Variants in ZDHHC20 observed in about 807,000 individuals in gnomAD.
ZDHHC20 encodes zDHHC palmitoyltransferase 20, also known as palmitoyltransferase ZDHHC20.
Under a neutral mutation model 57.8 loss-of-function variants are expected in ZDHHC20, and 43 were observed. That is an observed-to-expected ratio of 0.74 (90% CI 0.58 to 0.96). ZDHHC20 has a LOEUF of 0.96. Ranked by LOEUF, ZDHHC20 falls within the 40% of genes least tolerant of loss-of-function variation. The probability of loss-of-function intolerance (pLI) is 0.00; values close to 1 mark genes in which losing one functional copy is unlikely to be tolerated. For missense variants in ZDHHC20, 391 were observed against 441.1 expected, an observed-to-expected ratio of 0.89 and a Z score of 1.02; for synonymous variants, 157 against 153.0, an observed-to-expected ratio of 1.03 and a Z score of -0.19.
Position 21,415,792 on chromosome 13 carries a change from C to T in ZDHHC20, c.250-2020G>A, listed in dbSNP as rs74039321. Among the ~76,000 whole-genome samples the T allele has an allele frequency of 4.0e-3, 607 of 152,216 alleles. 3 individuals are homozygous for T. Among genetic ancestry groups the T allele is most frequent in the African/African-American group, 0.013 (538 of 41,526 alleles). On this transcript the variant is annotated intron_variant, in intron 3 of 12. Coordinates refer to ENST00000400590, the MANE Select transcript of ZDHHC20 (RefSeq NM_001330059.2). The stretch of plus-strand genomic sequence containing the variant: ...TAGAAGATGTTCTGATCAAATTTTA[C>T]AGATTCCTTATAAAACTTCAACAGA...
chr13:21,420,544 GAC>G (rs377505984), intron 3 of ZDHHC20, among the ~76,000 whole-genome samples: 222 of 152,314 alleles, frequency 1.5e-3, no homozygotes, highest in Middle Eastern at 3.4e-3. Context: ...AGGTAAGAGA[GAC>G]ACTGGTCATA....
intron 7 of ZDHHC20, among the ~76,000 whole-genome samples, chr13:21,397,372 C>T (rs760096209): frequency 2.7e-4 from 41 of 151,020 alleles, no homozygotes; most frequent in Non-Finnish European, 5.3e-4. Context: ...TCAAGAATAA[C>T]GATTAGTGGC....
At chr13:21,448,979 C>T (rs373177058) in intron 1 of ZDHHC20, among the ~76,000 whole-genome samples, 2 of 112,908 alleles carry the variant, frequency 1.8e-5, no homozygotes, top group Admixed American at 8.9e-5. Flanking sequence ...GGATTAAGGG[C>T]GGTGCAAGAT....
chr13:21,422,395 T>A (rs1408366930), intron 2 of ZDHHC20, among the ~76,000 whole-genome samples: 1 of 152,148 alleles, frequency 6.6e-6, no homozygotes, highest in East Asian at 1.9e-4. Flanking sequence ...GGTTTAAAAA[T>A]TGCTTGTACT....
chr13:21,382,787 T>G (rs1002481825), intron 10 of ZDHHC20, 133 bp downstream of exon 10: 1 of 706,502 alleles, frequency 1.4e-6, no homozygotes, highest in African/African-American at 1.8e-5. Context: ...GTTAAAAAAA[T>G]TTAAATTTCT....
In ZDHHC20 at chr13:21,432,962, A is replaced by G. The variant is rs1882144638; in HGVS notation, c.119-7284T>C. ...GTGTAAGGGTTTATTTCTGAACTCT[A>G]TTTTGTTCCACTGGTCTATATGTCC... On this transcript the variant is annotated intron_variant, in intron 1 of 12. Transcript: ENST00000400590. Among the ~76,000 whole-genome samples the G allele has an allele frequency of 3.3e-5, 5 of 152,232 alleles. No homozygotes were observed. In the South Asian group the frequency reaches 1.0e-3, roughly 32 times the overall value.
At chr13:21,420,896 T>G (rs1266346780) in intron 3 of ZDHHC20, among the ~76,000 whole-genome samples, 165 bp downstream of exon 3, 1 of 152,192 alleles carries the variant, frequency 6.6e-6, no homozygotes, top group East Asian at 1.9e-4. Flanking sequence ...GGACTGTATC[T>G]GAGAATAGGC....
intron 1 of ZDHHC20, among the ~76,000 whole-genome samples, chr13:21,434,946 T>G (rs1329553453): frequency 3.3e-5 from 5 of 152,246 alleles, no homozygotes; most frequent in Admixed American, 3.3e-4. Context: ...TTATCTTCAG[T>G]GTAGATTCCT....
intron 2 of ZDHHC20, among the ~76,000 whole-genome samples, chr13:21,422,508 C>G (rs550054124): frequency 6.6e-6 from 1 of 152,272 alleles, no homozygotes; most frequent in Non-Finnish European, 1.5e-5. Flanking sequence ...ACAGAAACTC[C>G]AGTCACGCAG....
At chr13:21,388,150 T>C (rs1874919528) in intron 8 of ZDHHC20, among the ~76,000 whole-genome samples, 1 of 152,184 alleles carries the variant, frequency 6.6e-6, no homozygotes, top group South Asian at 2.1e-4. Flanking sequence ...GAGACATATG[T>C]GTGCCTCGGG....
chr13:21,413,746 T>C lies in ZDHHC20; in HGVS notation c.276A>G (p.Glu92=). 2 of 1,611,066 alleles carry C rather than the reference T, an allele frequency of 1.2e-6. No homozygotes were observed. Among genetic ancestry groups the C allele is most frequent in the Non-Finnish European group, 1.7e-6 (2 of 1,178,630 alleles). Residue 92 remains glutamate (E), a synonymous_variant, in exon 4 of 13, where the codon GAA becomes GAG. Coordinates refer to ENST00000400590, the MANE Select transcript of ZDHHC20 (RefSeq NM_001330059.2). ...KEFYLSNSEK[E]RYEKEFSQER... is the part of the protein sequence containing the mutation. ...CTTGGCTGAATTCTTTTTCATAACG[T>C]TCCTTTTCAGAATTGGACAAGTAGA...
chr13:21,384,085 G>T (rs575533463), intron 9 of ZDHHC20, among the ~76,000 whole-genome samples: 16 of 151,812 alleles, frequency 1.1e-4, no homozygotes, highest in African/African-American at 3.9e-4. Flanking sequence ...ACTATGGGGG[G>T]TGGGAAACCA....
chr13:21,454,993 T>C, intron 1 of ZDHHC20, among the ~76,000 whole-genome samples: 1 of 152,308 alleles, frequency 6.6e-6, no homozygotes, highest in East Asian at 1.9e-4. Context: ...CAATCTCTGC[T>C]CACTGCAAGC....
intron 5 of ZDHHC20, among the ~76,000 whole-genome samples, chr13:21,402,349 C>T (rs1253829701): frequency 6.6e-6 from 1 of 151,938 alleles, no homozygotes; most frequent in Non-Finnish European, 1.5e-5. Flanking sequence ...AATTTGCCTC[C>T]CTACTAGAAT....
intron 9 of ZDHHC20, among the ~76,000 whole-genome samples, chr13:21,385,424 G>A (rs968260784): frequency 3.9e-5 from 6 of 152,110 alleles, no homozygotes; most frequent in Non-Finnish European, 8.8e-5. Flanking sequence ...GCAAGACTCT[G>A]TCTCTAAATA....
At chr13:21,445,340 C>A (rs1370975192) in intron 1 of ZDHHC20, among the ~76,000 whole-genome samples, 1 of 152,084 alleles carries the variant, frequency 6.6e-6, no homozygotes, top group Non-Finnish European at 1.5e-5. Context: ...AGATCTTTAA[C>A]CTATGAGTCT....
rs528278602 is a variant in ZDHHC20 at position 21,426,160 on chromosome 13, C to T, written c.119-482G>A. On this transcript the variant is annotated intron_variant, in intron 1 of 12. Transcript: ENST00000400590. ...TTTTTTTCCTCTGAATAATCAAATA[C>T]TGAAGAAGTCAGACTACGCACAGAA... Among the ~76,000 whole-genome samples, 5 of 152,286 alleles carry T rather than the reference C, an allele frequency of 3.3e-5. No individual in the cohort carries two copies. In the East Asian group the frequency reaches 9.6e-4, roughly 29 times the overall value.
rs377758303 is a variant in ZDHHC20, at chr13:21,374,543, T to C, written c.*2153A>G. 2.0e-5 allele frequency: 8 copies of C among 402,142 alleles called. No homozygotes were observed. In the East Asian group the frequency reaches 2.2e-4, roughly 11 times the overall value. The allele number at this position is 402,142 out of a possible 1,614,324, so 24.9% of individuals were successfully genotyped here. ...AGCCACCACACCCAGCAATAATTGGTATCTCTTAAATCTCATTCTAGTTTG... is the reference window on the plus strand; with the variant it reads ...AGCCACCACACCCAGCAATAATTGGCATCTCTTAAATCTCATTCTAGTTTG... On this transcript the variant is annotated 3_prime_UTR_variant, in exon 13 of 13. Transcript: ENST00000400590.
At chr13:21,424,042 T>C (rs888593778) in intron 2 of ZDHHC20, among the ~76,000 whole-genome samples, 1 of 152,178 alleles carries the variant, frequency 6.6e-6, no homozygotes, top group East Asian at 1.9e-4. Flanking sequence ...CAAAAGAAAA[T>C]GGTTTTGCTT....
Sources: gnomAD v4.1 joint callset for allele counts (sites outside exome capture counted in the v4.1 genomes callset) on GRCh38, gnomAD v4.1.1 for gene constraint, MANE v1.5 for transcripts, NCBI Gene and HGNC (gene_info 2026-07-23, HGNC 2026-07-21) for gene names.